Variants in PCAT7 observed in about 807,000 individuals in gnomAD.
PCAT7 encodes prostate cancer associated transcript 7 (non-protein coding).
chr9:94,572,199 T>C (rs920704664), intron 2 of PCAT7, among the ~76,000 whole-genome samples: 3 of 152,140 alleles, frequency 2.0e-5, no homozygotes, highest in Non-Finnish European at 4.4e-5. Flanking sequence ...ATGTTGGTGC[T>C]CCTTCTGGTC....
chr9:94,565,176 C>T (rs561366538), intron 2 of PCAT7, among the ~76,000 whole-genome samples: 1 of 152,134 alleles, frequency 6.6e-6, no homozygotes, highest in African/African-American at 2.4e-5. Context: ...GCGTTCAAGA[C>T]CAGCCTGACC....
rs149084114 is a variant in PCAT7, at chr9:94,572,322, GACAC to G, written n.442-648_442-645del. ...TGTATTGAGTTACCCCGTCTCCCAC[GACAC>G]ACACACACGCACACTTATTTGATGG... On this transcript the variant is annotated intron_variant and non_coding_transcript_variant, in intron 2 of 8. Transcript: ENST00000647389. Among the ~76,000 whole-genome samples the G allele has an allele frequency of 2.0e-5, 3 of 151,872 alleles. 1 individual carries two copies. The highest frequency in any genetic ancestry group is 7.3e-5 in the African/African-American group (3 of 41,336).
chr9:94,564,694 AAAGAT>A (rs935976359), intron 2 of PCAT7, among the ~76,000 whole-genome samples: 21 of 152,174 alleles, frequency 1.4e-4, no homozygotes, highest in Admixed American at 7.9e-4. Flanking sequence ...GAGGAGCAGA[AAAGAT>A]AAGTATTGGA....
At chr9:94,559,638 G>T (rs73653483) in intron 2 of PCAT7, among the ~76,000 whole-genome samples, 14,005 of 152,112 alleles carry the variant, frequency 0.092, 1,283 homozygotes, top group African/African-American at 0.23. Context: ...GCTTTGACTT[G>T]TCTAACTAGT....
At chr9:94,559,215 T>G in intron 2 of PCAT7, 194 of 1,273,394 alleles carry the variant, frequency 1.5e-4, no homozygotes, top group Middle Eastern at 2.7e-4. Flanking sequence ...GGGGAGGAGT[T>G]TGTACTGCGG....
rs983209103 is a variant in PCAT7, at chr9:94,567,695, G to A, written n.442-5284G>A. The A allele has an allele frequency of 2.9e-5, 10 of 348,226 alleles. No homozygotes were observed. The South Asian group carries it at 5.9e-4, about 21-fold the overall frequency. The allele number at this position is 348,226 out of a possible 1,614,324, so 21.6% of individuals were successfully genotyped here. A position where few individuals can be genotyped will look rare whatever the true frequency, so the allele number is the denominator to read the frequency against. On this transcript the variant is annotated intron_variant and non_coding_transcript_variant, in intron 2 of 8. Coordinates refer to ENST00000647389, the Ensembl canonical transcript of PCAT7. ...TTCCTGTGCATCTTCCACTGTCAGTGAGGCTCCTCATTTATGGTGAACCCA... is the reference window on the plus strand; with the variant it reads ...TTCCTGTGCATCTTCCACTGTCAGTAAGGCTCCTCATTTATGGTGAACCCA...
intron 1 of PCAT7, among the ~76,000 whole-genome samples, chr9:94,555,512 C>T (rs774828900): frequency 1.1e-4 from 16 of 140,744 alleles, no homozygotes; most frequent in Non-Finnish European, 2.1e-4. Flanking sequence ...TGCAGAAAGA[C>T]GGTGGGTAGA....
At chr9:94,572,831 A>G (rs777126472) in intron 2 of PCAT7, 2 of 152,236 alleles carry the variant, frequency 1.3e-5, no homozygotes, top group Admixed American at 6.5e-5. Flanking sequence ...TGTGATTGTA[A>G]ATAGCACATA....
chr9:94,559,309 T>A (rs1827058492), intron 2 of PCAT7, among the ~76,000 whole-genome samples: 1 of 152,124 alleles, frequency 6.6e-6, no homozygotes. Context: ...GCCAGATGCA[T>A]CAGATGGCAC....
chr9:94,570,902 G>A (rs1827262186), intron 2 of PCAT7: 1 of 152,226 alleles, frequency 6.6e-6, no homozygotes, highest in Admixed American at 6.5e-5. Flanking sequence ...GGACACAGTA[G>A]ATGCTCAATA....
chr9:94,559,474 T>G (rs980679208), intron 2 of PCAT7, among the ~76,000 whole-genome samples: 1 of 151,880 alleles, frequency 6.6e-6, no homozygotes, highest in Non-Finnish European at 1.5e-5. Context: ...AAACTGATGC[T>G]GCAGGCCTTG....
At chr9:94,557,513 G>C (rs956420482) in intron 1 of PCAT7, among the ~76,000 whole-genome samples, 1 of 152,212 alleles carries the variant, frequency 6.6e-6, no homozygotes, top group Non-Finnish European at 1.5e-5. Flanking sequence ...AAGTTGCCAA[G>C]CCATGCTAGA....
At chr9:94,563,075 G>C (rs1432153745) in intron 2 of PCAT7, among the ~76,000 whole-genome samples, 1 of 152,238 alleles carries the variant, frequency 6.6e-6, no homozygotes, top group African/African-American at 2.4e-5. Flanking sequence ...ACACACAGCT[G>C]GTTCATGGTG....
chr9:94,555,496 A>T (rs1434870659), intron 1 of PCAT7, among the ~76,000 whole-genome samples: 2 of 148,032 alleles, frequency 1.4e-5, no homozygotes, highest in East Asian at 4.1e-4. Flanking sequence ...GAGGGAAGGA[A>T]GGTTTTGCAG....
rs201564156 is a variant in PCAT7 at position 94,561,509 on chromosome 9, C to T, written n.441+2357C>T. On this transcript the variant is annotated intron_variant and non_coding_transcript_variant, in intron 2 of 8. Coordinates refer to ENST00000647389, the Ensembl canonical transcript of PCAT7. ...TCCCGAGTAGCTGGAACCACAGGCA[C>T]ATGCCACCACGCCTGGCTAATTATT... Among the ~76,000 whole-genome samples, 43 of 152,140 alleles carry T rather than the reference C, an allele frequency of 2.8e-4. 1 individual carries two copies. The highest frequency in any genetic ancestry group is 2.3e-3 in the East Asian group (12 of 5,164).
At chr9:94,556,151 A>C (rs1375238462) in intron 1 of PCAT7, among the ~76,000 whole-genome samples, 1 of 148,484 alleles carries the variant, frequency 6.7e-6, no homozygotes, top group East Asian at 2.1e-4. Flanking sequence ...TGGGTAGATA[A>C]AGGGGGAAAA....
chr9:94,567,314 C>G, intron 2 of PCAT7: 1 of 1,614,182 alleles, frequency 6.2e-7, no homozygotes, highest in Non-Finnish European at 8.5e-7. Context: ...GTGGCCGCAT[C>G]AAAATACTTG....
At chr9:94,566,494 T>G (rs1296106543) in intron 2 of PCAT7, among the ~76,000 whole-genome samples, 1 of 152,282 alleles carries the variant, frequency 6.6e-6, no homozygotes. Flanking sequence ...AGGGATACTT[T>G]TAGTTAATCG....
At chr9:94,555,416 C>T (rs988064671) in intron 1 of PCAT7, 1 of 151,294 alleles carries the variant, frequency 6.6e-6, no homozygotes, top group Non-Finnish European at 1.5e-5. Flanking sequence ...TGCAAAAAGA[C>T]GATGGGGAAA....
Sources: allele counts gnomAD v4.1 joint callset (sites outside exome capture counted in the v4.1 genomes callset), GRCh38; gene constraint gnomAD v4.1.1; transcripts MANE v1.5; gene names NCBI Gene and HGNC (gene_info 2026-07-23, HGNC 2026-07-21).